The following ZMYM2 variants were observed in gnomAD, a reference collection of about 807,000 sequenced individuals.
The protein encoded by ZMYM2 is zinc finger MYM-type containing 2.
Under a neutral mutation model 162.8 loss-of-function variants are expected in ZMYM2, and 56 were observed. That is an observed-to-expected ratio of 0.34 (90% CI 0.28 to 0.43). The LOEUF is 0.43. Among genes scored for constraint, ZMYM2 ranks in the 20% least tolerant of loss-of-function variants. The probability of loss-of-function intolerance (pLI) is 1.00; values close to 1 mark genes in which losing one functional copy is unlikely to be tolerated. For synonymous variants in ZMYM2, 510 were observed against 541.6 expected (o/e 0.94, Z 0.81); for missense variants, 1,275 against 1,621.8 (o/e 0.79, Z 3.67).
chr13:19,876,834 T>A, the ZMYM2 span, among the ~76,000 whole-genome samples: 1 of 152,168 alleles, frequency 6.6e-6, no homozygotes, highest in Admixed American at 6.6e-5. Context: ...GCATTCTACT[T>A]TCTGTATGTA....
intron 2 of ZMYM2, among the ~76,000 whole-genome samples, chr13:19,974,245 G>A (rs1956586328): frequency 1.3e-5 from 2 of 152,072 alleles, no homozygotes; most frequent in African/African-American, 2.4e-5. Flanking sequence ...GGCGTTTATC[G>A]AGAGATACTG....
intron 2 of ZMYM2, among the ~76,000 whole-genome samples, chr13:19,967,181 G>A (rs1955864635): frequency 1.3e-5 from 2 of 151,888 alleles, no homozygotes; most frequent in South Asian, 4.2e-4. Flanking sequence ...TAAAAAAAGA[G>A]CACAGTATCT....
chr13:20,089,053 C>G lies in ZMYM2; in HGVS notation c.*3039C>G, dbSNP rs969120852. 4 of 197,420 alleles carry G rather than the reference C, an allele frequency of 2.0e-5. No individual in the cohort carries two copies. Among genetic ancestry groups the G allele is most frequent in the Non-Finnish European group, 3.2e-5 (3 of 95,230 alleles). The allele number at this position is 197,420 out of a possible 1,614,324, so 12.2% of individuals were successfully genotyped here. A position where few individuals can be genotyped will look rare whatever the true frequency, so the allele number is the denominator to read the frequency against. On this transcript the variant is annotated 3_prime_UTR_variant, in exon 25 of 25. Coordinates refer to ENST00000610343, the MANE Select transcript of ZMYM2 (RefSeq NM_197968.4). ...ACTGTAGGATAATCTCCTTGTTCCC[C>G]TCAAAATAGTCATGAAAGTGTACAT...
At chr13:20,061,517 A>T (rs1566427643) in intron 17 of ZMYM2, among the ~76,000 whole-genome samples, 1 of 152,176 alleles carries the variant, frequency 6.6e-6, no homozygotes, top group Non-Finnish European at 1.5e-5. Context: ...ATGCAAAACT[A>T]TAATAACTTG....
the ZMYM2 span, among the ~76,000 whole-genome samples, chr13:19,866,487 G>A: frequency 2.6e-3 from 401 of 151,844 alleles, 4 homozygotes; most frequent in African/African-American, 9.3e-3. Context: ...CCAACATGGC[G>A]AAACCCCGTC....
At chr13:19,958,291 G>A (rs2138974862), upstream of ZMYM2, among the ~76,000 whole-genome samples, 1 of 152,264 alleles carries the variant, frequency 6.6e-6, no homozygotes, top group Middle Eastern at 3.4e-3. Context: ...GGGCAGAGGC[G>A]TTGGGAGCCG....
chr13:20,078,443 G>A (rs1011922363), intron 21 of ZMYM2, among the ~76,000 whole-genome samples: 6 of 152,046 alleles, frequency 3.9e-5, no homozygotes, highest in African/African-American at 7.2e-5. Flanking sequence ...CTAGCTCTCC[G>A]AAACATTTGA....
chr13:20,053,576 C>T (rs751073643), intron 14 of ZMYM2, among the ~76,000 whole-genome samples: 12 of 151,988 alleles, frequency 7.9e-5, no homozygotes, highest in South Asian at 2.1e-4. Context: ...CGCTTGAACC[C>T]GGGAGGCAGA....
At chr13:19,965,054 T>G (rs1269346819) in intron 2 of ZMYM2, among the ~76,000 whole-genome samples, 1 of 150,190 alleles carries the variant, frequency 6.7e-6, no homozygotes, top group African/African-American at 2.4e-5. Flanking sequence ...ACCTGCACAA[T>G]GTGCACATGT....
At position 20,081,652 on chromosome 13, in the gene ZMYM2, A is replaced by G. The variant is rs543113480; in HGVS notation, c.3454-364A>G. On this transcript the variant is annotated intron_variant, in intron 21 of 24. Coordinates refer to ENST00000610343, the MANE Select transcript of ZMYM2 (RefSeq NM_197968.4). Reference sequence around the variant, plus strand: ...TAACTCTTACTTTATAAGAAAAAAAACTAAAAAGAAAAAAACACTTTTATT... The same window carrying G: ...TAACTCTTACTTTATAAGAAAAAAAGCTAAAAAGAAAAAAACACTTTTATT... 5.3e-5 allele frequency among the ~76,000 whole-genome samples: 8 copies of G among 152,280 alleles called. No individual in the cohort carries two copies. The South Asian group carries it at 1.7e-3, about 32-fold the overall frequency.
chr13:19,873,408 A>ATTTAT, the ZMYM2 span, among the ~76,000 whole-genome samples: 2 of 150,036 alleles, frequency 1.3e-5, no homozygotes, highest in Admixed American at 1.3e-4. Context: ...TTATTTATTT[A>ATTTAT]TTTATTTATT....
At chr13:20,059,888 G>A (rs890475984) in intron 16 of ZMYM2, among the ~76,000 whole-genome samples, 1 of 152,030 alleles carries the variant, frequency 6.6e-6, no homozygotes, top group African/African-American at 2.4e-5. Flanking sequence ...GTAAAAATTA[G>A]CCAGGCACAG....
the ZMYM2 span, among the ~76,000 whole-genome samples, chr13:19,938,963 A>C: frequency 6.6e-6 from 1 of 152,058 alleles, no homozygotes; most frequent in African/African-American, 2.4e-5. Flanking sequence ...TGAATCATGA[A>C]TAAAAGCCAA....
chr13:20,022,410 T>C (rs1326634218), intron 7 of ZMYM2, among the ~76,000 whole-genome samples: 1 of 152,184 alleles, frequency 6.6e-6, no homozygotes, highest in Non-Finnish European at 1.5e-5. Context: ...GCACATGATG[T>C]CTATGTTTTC....
At position 20,059,576 on chromosome 13, in the gene ZMYM2, T is replaced by G. The variant is rs1251634492; in HGVS notation, c.2739+14T>G. ...GTTCCTGTTCCTGTAAGTCACATTT[T>G]AAGTTCTTTCTCATTTTGAGATTTA... is the stretch of plus-strand genomic sequence containing the variant. On this transcript the variant is annotated intron_variant, in intron 16 of 24. Coordinates refer to ENST00000610343, the MANE Select transcript of ZMYM2 (RefSeq NM_197968.4). 1.9e-6 allele frequency: 2 copies of G among 1,076,848 alleles called. No homozygotes were observed. Among genetic ancestry groups the G allele is most frequent in the East Asian group, 2.4e-5 (1 of 42,370 alleles). The allele number at this position is 1,076,848 out of a possible 1,614,324, so 66.7% of individuals were successfully genotyped here.
At chr13:19,959,541 G>A (rs1361545555) in intron 1 of ZMYM2, among the ~76,000 whole-genome samples, 3 of 152,182 alleles carry the variant, frequency 2.0e-5, no homozygotes, top group Non-Finnish European at 2.9e-5. Flanking sequence ...TGGGGCAAAT[G>A]TGGGCGATAT....
chr13:19,986,179 A>T (rs1445905739), intron 2 of ZMYM2, among the ~76,000 whole-genome samples: 1 of 149,810 alleles, frequency 6.7e-6, no homozygotes, highest in African/African-American at 2.5e-5. Flanking sequence ...CCTAGGCAAT[A>T]GAGCCAGACT....
chr13:19,864,288 C>T, the ZMYM2 span: 2 of 155,098 alleles, frequency 1.3e-5, no homozygotes, highest in South Asian at 2.0e-4. Context: ...TAGTCCCCCA[C>T]CTCCCGCCAT....
intron 2 of ZMYM2, among the ~76,000 whole-genome samples, chr13:19,972,081 C>A (rs759355497): frequency 1.2e-4 from 19 of 152,156 alleles, no homozygotes; most frequent in Non-Finnish European, 2.5e-4. Context: ...TCTAGAAATT[C>A]TACACCCTAG....
Sources: allele counts gnomAD v4.1 joint callset (sites outside exome capture counted in the v4.1 genomes callset), GRCh38; gene constraint gnomAD v4.1.1; transcripts MANE v1.5; gene names NCBI Gene and HGNC (gene_info 2026-07-23, HGNC 2026-07-21).